The following FHIP1A variants were observed in gnomAD, a reference collection of about 807,000 sequenced individuals.
FHIP1A encodes the protein FHF complex subunit HOOK interacting protein 1A, also known as FHF complex subunit HOOK-interacting protein 1A.
In FHIP1A, 61 loss-of-function variants were observed where a neutral mutation model predicts 88.6. That is an observed-to-expected ratio of 0.69 (90% CI 0.56 to 0.85). The LOEUF (loss-of-function observed/expected upper bound fraction) is 0.85, where lower values mean the gene tolerates loss of function less well. Among genes scored for constraint, FHIP1A ranks in the 40% least tolerant of loss-of-function variants. FHIP1A has a pLI of 0.00. For missense variants in FHIP1A, 1,154 were observed against 1,273.5 expected (o/e 0.91, Z 1.43); for synonymous variants, 478 against 496.0 (o/e 0.96, Z 0.48).
chr4:151,628,716 T>C (rs1416447404), intron 7 of FHIP1A, among the ~76,000 whole-genome samples: 1 of 152,170 alleles, frequency 6.6e-6, no homozygotes, highest in African/African-American at 2.4e-5. Context: ...CTAGGGTGTG[T>C]GGTATTAGAA....
At chr4:151,459,133 G>T (rs1411640477) in intron 2 of FHIP1A, among the ~76,000 whole-genome samples, 1 of 152,072 alleles carries the variant, frequency 6.6e-6, no homozygotes, top group Admixed American at 6.6e-5. Context: ...CTGTGAGAGG[G>T]CTGCTTGCAT....
chr4:151,491,692 A>C (rs1335047471), intron 3 of FHIP1A, among the ~76,000 whole-genome samples: 11 of 152,340 alleles, frequency 7.2e-5, no homozygotes, highest in Admixed American at 7.2e-4. Context: ...TTTAAAAAAT[A>C]CAGAATGGCA....
intron 8 of FHIP1A, among the ~76,000 whole-genome samples, chr4:151,637,517 T>TA (rs1398349312): frequency 1.3e-5 from 2 of 152,170 alleles, no homozygotes; most frequent in Non-Finnish European, 2.9e-5. Flanking sequence ...TAGGGGTTAC[T>TA]ATGCAATCTG....
chr4:151,608,249 T>C (rs1735161103), intron 7 of FHIP1A, among the ~76,000 whole-genome samples: 1 of 151,862 alleles, frequency 6.6e-6, no homozygotes, highest in African/African-American at 2.4e-5. Flanking sequence ...TTCACCATGT[T>C]GGCCAGGCTG....
chr4:151,616,942 T>C (rs1325463660), intron 7 of FHIP1A, among the ~76,000 whole-genome samples: 1 of 151,716 alleles, frequency 6.6e-6, no homozygotes, highest in Non-Finnish European at 1.5e-5. Flanking sequence ...GGGATGGAGT[T>C]TCACCATGTA....
intron 3 of FHIP1A, among the ~76,000 whole-genome samples, chr4:151,547,468 A>G (rs545769572): frequency 6.6e-6 from 1 of 152,254 alleles, no homozygotes; most frequent in Admixed American, 6.5e-5. Flanking sequence ...GATAAAAAGC[A>G]GTGAATTGAC....
At chr4:151,644,062 G>C (rs1023531465) in intron 9 of FHIP1A, among the ~76,000 whole-genome samples, 1 of 152,242 alleles carries the variant, frequency 6.6e-6, no homozygotes, top group Non-Finnish European at 1.5e-5. Flanking sequence ...AGTTTGAGCT[G>C]TAAGCAGTCA....
At chr4:151,606,766 A>C (rs1273141994) in intron 7 of FHIP1A, among the ~76,000 whole-genome samples, 1 of 152,150 alleles carries the variant, frequency 6.6e-6, no homozygotes, top group Non-Finnish European at 1.5e-5. Flanking sequence ...GTATTTGTTC[A>C]TGTGGAACTT....
chr4:151,477,185 A>T (rs1450611780), intron 2 of FHIP1A, among the ~76,000 whole-genome samples: 1 of 152,242 alleles, frequency 6.6e-6, no homozygotes, highest in East Asian at 1.9e-4. Flanking sequence ...AATAAAATCT[A>T]GCTTAGTAAG....
intron 3 of FHIP1A, among the ~76,000 whole-genome samples, chr4:151,491,914 T>C (rs1201648709): frequency 6.6e-6 from 1 of 152,170 alleles, no homozygotes; most frequent in East Asian, 1.9e-4. Flanking sequence ...AGGGGAACAT[T>C]ATATAATGAT....
At chr4:151,449,910 T>G (rs568271340) in intron 1 of FHIP1A, among the ~76,000 whole-genome samples, 30 of 152,324 alleles carry the variant, frequency 2.0e-4, no homozygotes, top group Non-Finnish European at 3.4e-4. Context: ...TCTGTGATGA[T>G]TTTTTAAATA....
At chr4:151,445,367 G>C (rs150601544) in intron 1 of FHIP1A, among the ~76,000 whole-genome samples, 1 of 152,106 alleles carries the variant, frequency 6.6e-6, no homozygotes, top group East Asian at 1.9e-4. Flanking sequence ...CTGCAGTTTA[G>C]GGATTTTATG....
At chr4:151,658,660 C>T (rs1737340795) in intron 13 of FHIP1A, among the ~76,000 whole-genome samples, 1 of 152,182 alleles carries the variant, frequency 6.6e-6, no homozygotes. Flanking sequence ...AAAAACCCCA[C>T]CTCTTGATGG....
intron 3 of FHIP1A, among the ~76,000 whole-genome samples, chr4:151,527,099 G>A (rs1195236029): frequency 1.2e-4 from 19 of 152,040 alleles, no homozygotes; most frequent in Middle Eastern, 3.4e-3. Context: ...GGGCAGAGAC[G>A]CTCCTCACTT....
At position 151,434,260 on chromosome 4, in the gene FHIP1A, T is replaced by G. The variant is rs568168042; in HGVS notation, c.-355-20441T>G. Reference sequence around the variant, plus strand: ...AGTCCTAGTTTTCTTTTTTAACATATGCATTTCTCATAAGCTATCTCAAAT... The same window carrying G: ...AGTCCTAGTTTTCTTTTTTAACATAGGCATTTCTCATAAGCTATCTCAAAT... On this transcript the variant is annotated intron_variant, in intron 1 of 13. Transcript: ENST00000435205. Among the ~76,000 whole-genome samples the G allele has an allele frequency of 2.6e-5, 4 of 152,320 alleles. No individual in the cohort carries two copies. The East Asian group carries it at 5.8e-4, about 22-fold the overall frequency.
At chr4:151,412,429 A>G (rs1732686967) in intron 1 of FHIP1A, among the ~76,000 whole-genome samples, 1 of 152,116 alleles carries the variant, frequency 6.6e-6, no homozygotes, top group Admixed American at 6.5e-5. Flanking sequence ...TTTTATGGGC[A>G]TACTCTTTGC....
chr4:151,469,595 T>G (rs1480501263), intron 2 of FHIP1A, among the ~76,000 whole-genome samples: 2 of 152,192 alleles, frequency 1.3e-5, no homozygotes, highest in African/African-American at 4.8e-5. Context: ...GAATGATGCC[T>G]AGAAAATTCT....
intron 3 of FHIP1A, among the ~76,000 whole-genome samples, chr4:151,523,506 GT>G (rs565360493): frequency 1.3e-5 from 2 of 151,364 alleles, no homozygotes. Flanking sequence ...TTTGTTCTCT[GT>G]TTTTTTTTCT....
chr4:151,561,150 G>A (rs1733156944), intron 3 of FHIP1A, among the ~76,000 whole-genome samples: 2 of 152,118 alleles, frequency 1.3e-5, no homozygotes, highest in South Asian at 4.1e-4. Context: ...ATTTTCCAAA[G>A]CTGGAAACCA....
Sources: allele counts gnomAD v4.1 joint callset (sites outside exome capture counted in the v4.1 genomes callset), GRCh38; gene constraint gnomAD v4.1.1; transcripts MANE v1.5; gene names NCBI Gene and HGNC (gene_info 2026-07-23, HGNC 2026-07-21).